The following KIF15 variants were observed in gnomAD, a reference collection of about 807,000 sequenced individuals.
The protein encoded by KIF15 is kinesin family member 15, also known as kinesin-like protein KIF15.
Under a neutral mutation model 190.6 loss-of-function variants are expected in KIF15, and 140 were observed. That is an observed-to-expected ratio of 0.73 (90% CI 0.64 to 0.84). The LOEUF is 0.84. Ranked by LOEUF, KIF15 falls within the 40% of genes least tolerant of loss-of-function variation. KIF15 has a pLI of 0.00. For synonymous variants in KIF15, 528 were observed against 551.3 expected, an observed-to-expected ratio of 0.96 and a Z score of 0.59; for missense variants, 1,372 against 1,584.4, an observed-to-expected ratio of 0.87 and a Z score of 2.28.
intron 26 of KIF15, among the ~76,000 whole-genome samples, chr3:44,837,845 C>T (rs1698403003): frequency 6.6e-6 from 1 of 152,158 alleles, no homozygotes. Flanking sequence ...GTGCAAACTG[C>T]CCAGGCCCTC....
intron 20 of KIF15, among the ~76,000 whole-genome samples, chr3:44,821,270 T>A (rs1035133477): frequency 3.5e-5 from 5 of 144,514 alleles, no homozygotes; most frequent in Non-Finnish European, 7.5e-5. Context: ...CCCCCCCACC[T>A]CCCTCCTGGA....
At chr3:44,810,713 C>T (rs2125655575) in intron 16 of KIF15, 133 bp from the exon 17 acceptor site, 1 of 696,004 alleles carries the variant, frequency 1.4e-6, no homozygotes, top group South Asian at 2.2e-5. Flanking sequence ...CATTTTTGTA[C>T]TGTGTCTCAA....
At chr3:44,830,688 C>T (rs1698024162) in intron 25 of KIF15, among the ~76,000 whole-genome samples, 1 of 152,154 alleles carries the variant, frequency 6.6e-6, no homozygotes, top group South Asian at 2.1e-4. Context: ...ATGACAAACC[C>T]TGTGTTTTTT....
At chr3:44,791,413 T>G (rs1198752562) in intron 7 of KIF15, among the ~76,000 whole-genome samples, 1 of 152,206 alleles carries the variant, frequency 6.6e-6, no homozygotes, top group Non-Finnish European at 1.5e-5. Context: ...TCCAACACTG[T>G]TCTTTTTAAC....
intron 20 of KIF15, 55 bp downstream of exon 20, chr3:44,815,131 G>A: frequency 7.4e-7 from 1 of 1,354,520 alleles, no homozygotes; most frequent in Admixed American, 2.7e-5. Flanking sequence ...ACCTACGACT[G>A]TTTGAAGTTG....
At chr3:44,778,215 T>C (rs1372414353) in intron 4 of KIF15, 24 bp downstream of exon 4, 14 of 1,515,160 alleles carry the variant, frequency 9.2e-6, no homozygotes, top group African/African-American at 4.1e-5. Flanking sequence ...TGTGTCCTTA[T>C]ACATAGTACA....
chr3:44,843,511 T>A (rs3804582), intron 30 of KIF15, among the ~76,000 whole-genome samples: 66,424 of 151,908 alleles, frequency 0.44, 15,903 homozygotes, highest in East Asian at 0.84. Context: ...TTTAAAAAAA[T>A]TTTTTTAAGG....
intron 20 of KIF15, among the ~76,000 whole-genome samples, chr3:44,816,947 G>A (rs1443378595): frequency 3.3e-5 from 5 of 152,052 alleles, no homozygotes; most frequent in Non-Finnish European, 5.9e-5. Context: ...GTGTGAGATG[G>A]TGTCTCATTG....
chr3:44,838,747 C>CAAA (rs779928383), intron 27 of KIF15, among the ~76,000 whole-genome samples: 3 of 74,390 alleles, frequency 4.0e-5, no homozygotes, highest in Admixed American at 3.2e-4. Context: ...GACCCTGTCT[C>CAAA]AAAAAAAAAA....
rs757710669 is a variant in KIF15 at position 44,826,122 on chromosome 3, T to C, written c.2633T>C (p.Ile878Thr). The C allele has an allele frequency of 1.3e-6, 2 of 1,587,790 alleles. No homozygotes were observed. Among genetic ancestry groups the C allele is most frequent in the Admixed American group, 2.0e-5 (1 of 50,878 alleles). ...TTACAAGAAATAATGAAATTTGAGATTGACCAACTTTCAAGAAACCTCCAA... is the reference window on the plus strand; with the variant it reads ...TTACAAGAAATAATGAAATTTGAGACTGACCAACTTTCAAGAAACCTCCAA... ...DNLQEIMKFE[I>T]DQLSRNLQNF... is the part of the protein sequence containing the mutation. Residue 878 changes from isoleucine to threonine, a missense_variant, in exon 21 of 35, where the codon ATT becomes ACT. Ile to Thr is a moderately conservative substitution (Grantham distance 89). Coordinates refer to ENST00000326047, the MANE Select transcript of KIF15 (RefSeq NM_020242.3).
At chr3:44,862,729 C>G (rs1442999496) in intron 6 of KIF15, 4 of 151,912 alleles carry the variant, frequency 2.6e-5, no homozygotes, top group Admixed American at 6.6e-5. Flanking sequence ...GTATCTCTGC[C>G]TCTCCCTCCC....
intron 7 of KIF15, 147 bp downstream of exon 7, chr3:44,786,721 T>C: frequency 3.4e-6 from 2 of 584,560 alleles, no homozygotes; most frequent in Non-Finnish European, 5.4e-6. Context: ...GATAAAATAA[T>C]ATGGCAGTAT....
chr3:44,844,909 G>A (rs1698773990), intron 30 of KIF15, among the ~76,000 whole-genome samples: 2 of 152,186 alleles, frequency 1.3e-5, no homozygotes, highest in African/African-American at 4.8e-5. Flanking sequence ...ACCAAAGAGG[G>A]ATGTCAAGAA....
chr3:44,808,137 G>A (rs1707602312), intron 16 of KIF15, among the ~76,000 whole-genome samples: 1 of 152,070 alleles, frequency 6.6e-6, no homozygotes, highest in Non-Finnish European at 1.5e-5. Flanking sequence ...TTTAAAAAAG[G>A]TGGTCTTTGA....
intron 16 of KIF15, among the ~76,000 whole-genome samples, chr3:44,806,851 T>G (rs1015180938): frequency 5.3e-5 from 8 of 152,140 alleles, no homozygotes; most frequent in Non-Finnish European, 8.8e-5. Context: ...GTTCAAGCGA[T>G]TCTCCTGCCT....
intron 5 of KIF15, among the ~76,000 whole-genome samples, chr3:44,783,433 A>G (rs1706259778): frequency 6.6e-6 from 1 of 152,162 alleles, no homozygotes; most frequent in African/African-American, 2.4e-5. Flanking sequence ...TCTCTTGGGA[A>G]ATAAGAGAAC....
chr3:44,803,196 A>G (rs1707357799), intron 14 of KIF15, among the ~76,000 whole-genome samples: 1 of 152,250 alleles, frequency 6.6e-6, no homozygotes, highest in Admixed American at 6.5e-5. Context: ...TACGTAAGCT[A>G]ATAGATATAA....
chr3:44,779,485 T>C (rs911770255), intron 4 of KIF15, among the ~76,000 whole-genome samples: 1 of 152,066 alleles, frequency 6.6e-6, no homozygotes, highest in African/African-American at 2.4e-5. Context: ...GTCAAGTAAT[T>C]ATTAGTAGTG....
At chr3:44,864,629 G>A (rs1020969942) in intron 6 of KIF15, among the ~76,000 whole-genome samples, 1 of 152,180 alleles carries the variant, frequency 6.6e-6, no homozygotes, top group African/African-American at 2.4e-5. Context: ...CATCCTAGCT[G>A]TTTCCTAGGG....
Sources: allele counts gnomAD v4.1 joint callset (sites outside exome capture counted in the v4.1 genomes callset), GRCh38; gene constraint gnomAD v4.1.1; transcripts MANE v1.5; gene names NCBI Gene and HGNC (gene_info 2026-07-23, HGNC 2026-07-21).